The following CADM1 variants were observed in gnomAD, a reference collection of about 807,000 sequenced individuals.
The protein encoded by CADM1 is TSLC-1.
CADM1 carries 15 observed loss-of-function variants against 53.1 expected under a neutral mutation model. The ratio of observed to expected loss-of-function variants is 0.28; its 90% CI spans 0.19 to 0.44. The LOEUF (loss-of-function observed/expected upper bound fraction) is 0.44. Among genes scored for constraint, CADM1 ranks in the 20% least tolerant of loss-of-function variants. The pLI is 1.00. For synonymous variants in CADM1, 281 were observed against 243.0 expected (o/e 1.16, Z -1.45); for missense variants, 434 against 611.3 (o/e 0.71, Z 3.06).
chr11:115,485,119 A>C (rs1157230265), intron 1 of CADM1, among the ~76,000 whole-genome samples: 14 of 152,146 alleles, frequency 9.2e-5, no homozygotes. Flanking sequence ...ATTCTTCTGC[A>C]CCTTGGTTAA....
chr11:115,372,917 G>A (rs1460871303), intron 1 of CADM1, among the ~76,000 whole-genome samples: 1 of 152,094 alleles, frequency 6.6e-6, no homozygotes, highest in Non-Finnish European at 1.5e-5. Flanking sequence ...GGGCCCCAAA[G>A]GCTTGTGAAT....
chr11:115,492,495 T>A (rs1469634805), intron 1 of CADM1, among the ~76,000 whole-genome samples: 4 of 152,188 alleles, frequency 2.6e-5, no homozygotes, highest in Admixed American at 6.5e-5. Flanking sequence ...CCTAACTGTA[T>A]ACCTATTGAT....
chr11:115,468,002 G>A (rs775691724), intron 1 of CADM1, among the ~76,000 whole-genome samples: 6 of 152,220 alleles, frequency 3.9e-5, no homozygotes, highest in Non-Finnish European at 8.8e-5. Flanking sequence ...TATTCTATAA[G>A]TACAAAATTT....
intron 1 of CADM1, among the ~76,000 whole-genome samples, chr11:115,289,674 C>T (rs1331457902): frequency 4.1e-5 from 6 of 147,940 alleles, no homozygotes; most frequent in Non-Finnish European, 7.4e-5. Flanking sequence ...CCGCTCACTG[C>T]AAGCTCTGTC....
chr11:115,316,659 G>T (rs1944675024), intron 1 of CADM1, among the ~76,000 whole-genome samples: 1 of 152,142 alleles, frequency 6.6e-6, no homozygotes, highest in Non-Finnish European at 1.5e-5. Context: ...AAACTGTTAT[G>T]TTCCTTTAGT....
At chr11:115,255,279 A>G (rs79664682) in intron 1 of CADM1, among the ~76,000 whole-genome samples, 2,846 of 152,322 alleles carry the variant, frequency 0.019, 137 homozygotes, top group East Asian at 0.14. Flanking sequence ...ACATTCTGCA[A>G]TATGACTCAA....
chr11:115,332,349 A>G (rs565505474), intron 1 of CADM1, among the ~76,000 whole-genome samples: 1 of 152,326 alleles, frequency 6.6e-6, no homozygotes, highest in African/African-American at 2.4e-5. Flanking sequence ...AAAGTGGAGC[A>G]GATCTATTAG....
At chr11:115,244,285 C>A (rs1362233167) in intron 1 of CADM1, among the ~76,000 whole-genome samples, 1 of 152,250 alleles carries the variant, frequency 6.6e-6, no homozygotes, top group Non-Finnish European at 1.5e-5. Context: ...AAATCCCCTA[C>A]TAATTCAATC....
At chr11:115,326,632 C>T (rs138351969) in intron 1 of CADM1, among the ~76,000 whole-genome samples, 1 of 152,300 alleles carries the variant, frequency 6.6e-6, no homozygotes, top group African/African-American at 2.4e-5. Flanking sequence ...TACAAATTAG[C>T]AAGTCCTCTT....
In CADM1 at chr11:115,463,851, C is replaced by CT. The variant is rs555870982; in HGVS notation, c.124+40419dup. On this transcript the variant is annotated intron_variant, in intron 1 of 11. Transcript: ENST00000331581. ...ACACCTGGAGCCTGAAAACAAAAAG[C>CT]TTTTTTTTTTTGGGCCGGGGGCGGG... Among the ~76,000 whole-genome samples, 246 of 112,904 alleles carry CT rather than the reference C, an allele frequency of 2.2e-3. 2 individuals are homozygous for CT. The highest frequency in any genetic ancestry group is 6.8e-3 in the East Asian group (28 of 4,110). The allele number at this position is 112,904 out of a possible 152,430, so 74.1% of individuals were successfully genotyped here.
chr11:115,408,114 C>G (rs987630881), intron 1 of CADM1, among the ~76,000 whole-genome samples: 1 of 151,504 alleles, frequency 6.6e-6, no homozygotes. Context: ...CAAACAGAGC[C>G]GTTTTAAAAA....
intron 1 of CADM1, among the ~76,000 whole-genome samples, chr11:115,414,586 A>T (rs1947545144): frequency 6.6e-6 from 1 of 152,228 alleles, no homozygotes; most frequent in African/African-American, 2.4e-5. Context: ...TGATGATAAG[A>T]CAGCTTGAAT....
intron 1 of CADM1, among the ~76,000 whole-genome samples, chr11:115,443,472 T>A (rs1948373598): frequency 6.6e-6 from 1 of 152,200 alleles, no homozygotes; most frequent in African/African-American, 2.4e-5. Flanking sequence ...ATTGCCTCTC[T>A]CTGGAGTTCT....
chr11:115,379,043 C>T (rs1946510934), intron 1 of CADM1, among the ~76,000 whole-genome samples: 1 of 152,194 alleles, frequency 6.6e-6, no homozygotes, highest in Admixed American at 6.5e-5. Context: ...ATGTCTCTAG[C>T]TAGATGATGT....
intron 1 of CADM1, among the ~76,000 whole-genome samples, chr11:115,339,758 T>A (rs1024752272): frequency 1.1e-4 from 16 of 152,156 alleles, no homozygotes; most frequent in Non-Finnish European, 2.9e-5. Flanking sequence ...TTTCAGCAAG[T>A]CTCTTCACCA....
chr11:115,176,591 A>G lies in CADM1; in HGVS notation c.1299T>C (p.Gly433=), dbSNP rs748004303. 19 of 1,613,502 alleles carry G rather than the reference A, an allele frequency of 1.2e-5. No homozygotes were observed. The highest frequency in any genetic ancestry group is 3.4e-6 in the Non-Finnish European group (4 of 1,179,490). ...ILGRYFARHK[G]TYFTHEAKGA... ...CTTTGGCTTCATGAGTGAAGTATGT[A>G]CCTGAAAGATGAAGGGGTAAAGCAC... Residue 433 remains glycine (G), a splice_region_variant and synonymous_variant, in exon 12 of 12, where the codon GGT becomes GGC. Coordinates refer to ENST00000331581, the MANE Select transcript of CADM1 (RefSeq NM_001301043.2).
chr11:115,362,276 A>G (rs987578476), intron 1 of CADM1, among the ~76,000 whole-genome samples: 3 of 152,226 alleles, frequency 2.0e-5, no homozygotes, highest in Non-Finnish European at 2.9e-5. Context: ...GTACCAAAAC[A>G]TAGTCAATTT....
At chr11:115,176,803 A>G (rs1320220707) in intron 11 of CADM1, among the ~76,000 whole-genome samples, 1 of 152,232 alleles carries the variant, frequency 6.6e-6, no homozygotes, top group Non-Finnish European at 1.5e-5. Flanking sequence ...CCGCTGCGAT[A>G]TAATTCAGCA....
chr11:115,376,406 T>G lies in CADM1; in HGVS notation c.124+127865A>C, dbSNP rs189431627. ...TTCTAAAAGAAATATGATGAGAAAA[T>G]TTTTTAAGATTAGAGGATGTTTCTA... On this transcript the variant is annotated intron_variant, in intron 1 of 11. Transcript: ENST00000331581. 2.0e-5 allele frequency among the ~76,000 whole-genome samples: 3 copies of G among 152,198 alleles called. No individual in the cohort carries two copies. In the East Asian group the frequency reaches 5.8e-4, roughly 29 times the overall value.
Sources: gnomAD v4.1 joint callset for allele counts (sites outside exome capture counted in the v4.1 genomes callset) on GRCh38, gnomAD v4.1.1 for gene constraint, MANE v1.5 for transcripts, NCBI Gene and HGNC (gene_info 2026-07-23, HGNC 2026-07-21) for gene names.